RD3L: variants seen among roughly 807,000 people sequenced by gnomAD.
RD3L encodes the protein protein RD3-like.
In RD3L, 6 loss-of-function variants were observed where a neutral mutation model predicts 12.5. The observed-to-expected ratio is 0.48, with a 90% CI of 0.26 to 0.95. The LOEUF (loss-of-function observed/expected upper bound fraction) is 0.95, where lower values mean the gene tolerates loss of function less well. RD3L is among the 40% of genes least tolerant of loss of function. RD3L has a pLI of 0.14. For missense variants in RD3L, 234 were observed against 228.6 expected, an observed-to-expected ratio of 1.02 and a Z score of -0.15; for synonymous variants, 87 against 79.3, an observed-to-expected ratio of 1.10 and a Z score of -0.52.
chr14:103,941,355 C>G, intron 2 of RD3L, 42 bp downstream of exon 2: 2 of 1,413,432 alleles, frequency 1.4e-6, no homozygotes, highest in Admixed American at 2.2e-5. Context: ...GGAACTTGGA[C>G]TTAGCAGTAG....
Position 103,942,304 on chromosome 14 carries a change from T to C in RD3L, c.-220A>G. 6.6e-6 allele frequency: 1 copy of C among 152,300 alleles called. No homozygotes were observed. The highest frequency in any genetic ancestry group is 6.5e-5 in the Admixed American group (1 of 15,288). 9.4% of individuals were successfully genotyped at this position (152,300 alleles called of 1,614,324 possible). A position where few individuals can be genotyped will look rare whatever the true frequency, so the allele number is the denominator to read the frequency against. ...TGTCTTCATTTGGAGAGAATGCTCA[T>C]TAATTCACCTTGTAAGTAAGCTAGA... On this transcript the variant is annotated 5_prime_UTR_variant, in exon 1 of 3. The change abolishes an upstream ATG in the 5' untranslated region. Coordinates refer to ENST00000557640, the MANE Select transcript of RD3L (RefSeq NM_001257268.2).
At position 103,940,888 on chromosome 14, in the gene RD3L, TAACTG is replaced by T. The variant is rs2152119618; in HGVS notation, c.510_514del (p.Ser171ArgfsTer26). On this transcript the variant is annotated frameshift_variant, in exon 3 of 3. Transcript: ENST00000557640. LOFTEE classifies it low-confidence loss of function (END_TRUNC). ...CCTGTCCTTTGTGTTTTTGTCTACGTAACTGGAAATGGTGGGTATTTCATCTTTGT... is the reference window on the plus strand; with the variant it reads ...CCTGTCCTTTGTGTTTTTGTCTACGTGAAATGGTGGGTATTTCATCTTTGT... The T allele has an allele frequency of 6.5e-7, 1 of 1,535,338 alleles. No homozygotes were observed. Among genetic ancestry groups the T allele is most frequent in the South Asian group, 1.2e-5 (1 of 84,048 alleles).
rs2031228276 is a variant in RD3L, at chr14:103,941,463, T to C, written c.233A>G (p.Glu78Gly). The change falls in exon 2 of 3, where the codon GAA becomes GGA. Residue 78 changes from glutamate to glycine, a missense_variant. By Grantham distance (98) the Glu-to-Gly change is moderately conservative (BLOSUM62 -2). Transcript: ENST00000557640. ...GCAAAGAACTTCAAGTTGTCTTTGT[T>C]CAGTCACTGGGATAGTTGTGTGGGG... The part of the protein sequence containing the change: ...QNPHTTIPVT[E>G]QRQLEVLCSQ... The C allele has an allele frequency of 6.5e-7, 1 of 1,535,316 alleles. No individual in the cohort carries two copies. The highest frequency in any genetic ancestry group is 1.4e-5 in the African/African-American group (1 of 73,050).
In RD3L at chr14:103,941,100, A is replaced by G. The variant is rs1390054585; in HGVS notation, c.303T>C (p.Phe101=). The change falls in exon 3 of 3, where the codon TTT becomes TTC. Residue 101 remains phenylalanine, a synonymous_variant. Coordinates refer to ENST00000557640, the MANE Select transcript of RD3L (RefSeq NM_001257268.2). ...PCQTGTILSR[F]REVLAENDVL... ...CATCATTTTCTGCCAAAACTTCTCG[A>G]AATCTAGAGGGGAAATGGTAATGAA... 1 of 1,532,498 alleles carries G rather than the reference A, an allele frequency of 6.5e-7. No homozygotes were observed. The highest frequency in any genetic ancestry group is 8.7e-7 in the Non-Finnish European group (1 of 1,144,492). 94.9% of individuals were successfully genotyped at this position (1,532,498 alleles called of 1,614,324 possible). A position where few individuals can be genotyped will look rare whatever the true frequency, so the allele number is the denominator to read the frequency against.
chr14:103,942,424 C>CAGCTATAG lies in RD3L; in HGVS notation c.-348_-341dup. 1 of 152,296 alleles carries CAGCTATAG rather than the reference C, an allele frequency of 6.6e-6. No homozygotes were observed. The highest frequency in any genetic ancestry group is 1.5e-5 in the Non-Finnish European group (1 of 68,038). The allele number at this position is 152,296 out of a possible 1,614,324, so 9.4% of individuals were successfully genotyped here. A position where few individuals can be genotyped will look rare whatever the true frequency, so the allele number is the denominator to read the frequency against. On this transcript the variant is annotated 5_prime_UTR_variant, in exon 1 of 3. The change creates a premature stop within an existing upstream ORF in the 5' untranslated region. Transcript: ENST00000557640. ...TCAGTCTATTTGAAAAAAATGCCAG[C>CAGCTATAG]AGCTATAGATGCTGGTCCTAAATGC...
chr14:103,941,094 T>A lies in RD3L; in HGVS notation c.309A>T (p.Glu103Asp). The change falls in exon 3 of 3, where the codon GAA (glutamate) becomes GAT (aspartate). Residue 103 changes from glutamate to aspartate, a missense_variant. Transcript: ENST00000557640. ...QTGTILSRFR[E>D]VLAENDVLPW... Reference sequence around the variant, plus strand: ...GCAGTACATCATTTTCTGCCAAAACTTCTCGAAATCTAGAGGGGAAATGGT... The same window carrying A: ...GCAGTACATCATTTTCTGCCAAAACATCTCGAAATCTAGAGGGGAAATGGT... The A allele has an allele frequency of 6.5e-7, 1 of 1,533,114 alleles. No individual in the cohort carries two copies. The highest frequency in any genetic ancestry group is 2.4e-5 in the East Asian group (1 of 40,886). The allele number at this position is 1,533,114 out of a possible 1,614,324, so 95.0% of individuals were successfully genotyped here. A position where few individuals can be genotyped will look rare whatever the true frequency, so the allele number is the denominator to read the frequency against.
Position 103,942,371 on chromosome 14 carries a change from A to G in RD3L, c.-287T>C, listed in dbSNP as rs549890941. On this transcript the variant is annotated 5_prime_UTR_variant, in exon 1 of 3. Coordinates refer to ENST00000557640, the MANE Select transcript of RD3L (RefSeq NM_001257268.2). ...ACTGACTATTTAATCTTCACAAGTT[A>G]TATAATGGTCTGCCTTTTCAATGTA... The G allele has an allele frequency of 3.9e-5, 6 of 152,376 alleles. No homozygotes were observed. Among genetic ancestry groups the G allele is most frequent in the African/African-American group, 1.4e-4 (6 of 41,584 alleles). 9.4% of individuals were successfully genotyped at this position (152,376 alleles called of 1,614,324 possible). A position where few individuals can be genotyped will look rare whatever the true frequency, so the allele number is the denominator to read the frequency against.
At position 103,940,736 on chromosome 14, in the gene RD3L, ATCACT is replaced by A; in HGVS notation, c.*65_*69del. 9.4e-7 allele frequency: 1 copy of A among 1,064,858 alleles called. No homozygotes were observed. The highest frequency in any genetic ancestry group is 1.3e-6 in the Non-Finnish European group (1 of 747,574). 66.0% of individuals were successfully genotyped at this position (1,064,858 alleles called of 1,614,324 possible). A position where few individuals can be genotyped will look rare whatever the true frequency, so the allele number is the denominator to read the frequency against. ...GTAACAAAGAAAAACTTGAAGTCAC[ATCACT>A]TTTTCTTATTCTTAATATTAGGAGT... is the stretch of plus-strand genomic sequence containing the variant. On this transcript the variant is annotated 3_prime_UTR_variant, in exon 3 of 3. Transcript: ENST00000557640.
chr14:103,942,525 A>T lies in RD3L; in HGVS notation c.-441T>A, dbSNP rs1384437299. ...ATAGATGCGCTCCGAGCTAGAGTGA[A>T]GACTGTCGCGTGATGTGATGCTTTG... On this transcript the variant is annotated 5_prime_UTR_variant, in exon 1 of 3. Coordinates refer to ENST00000557640, the MANE Select transcript of RD3L (RefSeq NM_001257268.2). Among the ~76,000 whole-genome samples the T allele has an allele frequency of 1.3e-5, 2 of 152,192 alleles. No individual in the cohort carries two copies. The highest frequency in any genetic ancestry group is 2.9e-5 in the Non-Finnish European group (2 of 68,040).
chr14:103,941,565 A>C lies in RD3L; in HGVS notation c.131T>G (p.Leu44Ter). The change falls in exon 2 of 3, where the codon TTA becomes TGA. Residue 44 changes from leucine to a stop codon, truncating the protein, a stop_gained. Coordinates refer to ENST00000557640, the MANE Select transcript of RD3L (RefSeq NM_001257268.2). LOFTEE classifies it high-confidence loss of function. ...TTGTTCATTTTCGATTTCTTGTATT[A>C]ATCTCTCTCGCTCCTTTAGGTGCCA... The part of the protein sequence containing the change: ...LKWHLKERER[L>*]IQEIENEQKV... 6.5e-7 allele frequency: 1 copy of C among 1,535,170 alleles called. No individual in the cohort carries two copies. The highest frequency in any genetic ancestry group is 1.2e-5 in the South Asian group (1 of 84,034).
At position 103,941,546 on chromosome 14, in the gene RD3L, A is replaced by G; in HGVS notation, c.150T>C (p.Asn50=). Reference sequence around the variant, plus strand: ...CACCTGTTTTTTTCACTTTTTGTTCATTTTCGATTTCTTGTATTAATCTCT... The same window carrying G: ...CACCTGTTTTTTTCACTTTTTGTTCGTTTTCGATTTCTTGTATTAATCTCT... ...ERERLIQEIE[N]EQKVKKTGVD... The change falls in exon 2 of 3, where the codon AAT becomes AAC. Residue 50 remains asparagine, a synonymous_variant. Coordinates refer to ENST00000557640, the MANE Select transcript of RD3L (RefSeq NM_001257268.2). 6.5e-7 allele frequency: 1 copy of G among 1,535,050 alleles called. No individual in the cohort carries two copies. Among genetic ancestry groups the G allele is most frequent in the Non-Finnish European group, 8.7e-7 (1 of 1,146,630 alleles).
chr14:103,941,461 G>C lies in RD3L; in HGVS notation c.235C>G (p.Gln79Glu). The C allele has an allele frequency of 6.5e-7, 1 of 1,535,362 alleles. No individual in the cohort carries two copies. Among genetic ancestry groups the C allele is most frequent in the Non-Finnish European group, 8.7e-7 (1 of 1,146,632 alleles). Residue 79 changes from glutamine (Q) to glutamate (E), a missense_variant, in exon 2 of 3, where the codon CAA becomes GAA. Gln to Glu is a conservative substitution (Grantham distance 29, BLOSUM62 2). Transcript: ENST00000557640. ...GAGCAAAGAACTTCAAGTTGTCTTT[G>C]TTCAGTCACTGGGATAGTTGTGTGG... ...NPHTTIPVTE[Q>E]RQLEVLCSQV...
rs1157332580 is a variant in RD3L, at chr14:103,941,680, A to G, written c.16T>C (p.Trp6Arg). MPLFG[W>R]MKWPKNDSYK... ...GAATCGTTTTTGGGCCATTTCATCCAGCCAAAAAGTGGCATTTTTAGCCTA... is the reference window on the plus strand; with the variant it reads ...GAATCGTTTTTGGGCCATTTCATCCGGCCAAAAAGTGGCATTTTTAGCCTA... The change falls in exon 2 of 3, where the codon TGG becomes CGG. Residue 6 changes from tryptophan to arginine, a missense_variant. Trp to Arg is a moderately radical substitution (Grantham distance 101). Transcript: ENST00000557640. 2 of 1,514,062 alleles carry G rather than the reference A, an allele frequency of 1.3e-6. No homozygotes were observed. The highest frequency in any genetic ancestry group is 1.8e-6 in the Non-Finnish European group (2 of 1,136,954). The allele number at this position is 1,514,062 out of a possible 1,614,324, so 93.8% of individuals were successfully genotyped here.
chr14:103,940,746 C>G lies in RD3L; in HGVS notation c.*60G>C. The G allele has an allele frequency of 8.5e-7, 1 of 1,170,998 alleles. No individual in the cohort carries two copies. The highest frequency in any genetic ancestry group is 1.5e-5 in the South Asian group (1 of 66,382). The allele number at this position is 1,170,998 out of a possible 1,614,324, so 72.5% of individuals were successfully genotyped here. A position where few individuals can be genotyped will look rare whatever the true frequency, so the allele number is the denominator to read the frequency against. ...AAAACTTGAAGTCACATCACTTTTT[C>G]TTATTCTTAATATTAGGAGTTCTAA... On this transcript the variant is annotated 3_prime_UTR_variant, in exon 3 of 3. Transcript: ENST00000557640.
chr14:103,941,438 G>A lies in RD3L; in HGVS notation c.258C>T (p.Cys86=), dbSNP rs1440446734. The stretch of plus-strand genomic sequence containing the variant: ...CAGTTTGGCAAGGTTGAACTTGTGA[G>A]CAAAGAACTTCAAGTTGTCTTTGTT... ...VTEQRQLEVL[C]SQVQPCQTGT... Residue 86 remains cysteine (C), a synonymous_variant, in exon 2 of 3, where the codon TGC becomes TGT. Coordinates refer to ENST00000557640, the MANE Select transcript of RD3L (RefSeq NM_001257268.2). 4.6e-6 allele frequency: 7 copies of A among 1,535,242 alleles called. No homozygotes were observed. Among genetic ancestry groups the A allele is most frequent in the Non-Finnish European group, 5.2e-6 (6 of 1,146,572 alleles).
In RD3L at chr14:103,940,555, T is replaced by C; in HGVS notation, c.*251A>G. 1 of 349,602 alleles carries C rather than the reference T, an allele frequency of 2.9e-6. No homozygotes were observed. The highest frequency in any genetic ancestry group is 6.8e-5 in the South Asian group (1 of 14,692). 21.7% of individuals were successfully genotyped at this position (349,602 alleles called of 1,614,324 possible). The stretch of plus-strand genomic sequence containing the variant: ...GTTGCTTTAGTTCCTGTGAGGTGGG[T>C]TTGAGGTATAAGAAAATACTGCAAA... On this transcript the variant is annotated 3_prime_UTR_variant, in exon 3 of 3. Coordinates refer to ENST00000557640, the MANE Select transcript of RD3L (RefSeq NM_001257268.2).
At chr14:103,941,957 C>T in intron 1 of RD3L, 135 bp downstream of exon 1, 1 of 429,780 alleles carries the variant, frequency 2.3e-6, no homozygotes, top group Non-Finnish European at 4.1e-6. Flanking sequence ...AACATATAGA[C>T]TGAATGATAT....
In RD3L at chr14:103,942,164, G is replaced by A. The variant is rs1364910014; in HGVS notation, c.-80C>T. ...GTTGGTGACGAAGCTGTGTTTCACT[G>A]GGACGTATCTTGCTCTCCTAGGTGT... On this transcript the variant is annotated 5_prime_UTR_variant, in exon 1 of 3. Transcript: ENST00000557640. 1.2e-5 allele frequency: 2 copies of A among 162,162 alleles called. No homozygotes were observed. Among genetic ancestry groups the A allele is most frequent in the Non-Finnish European group, 2.7e-5 (2 of 75,030 alleles). The allele number at this position is 162,162 out of a possible 1,614,324, so 10.0% of individuals were successfully genotyped here.
intron 2 of RD3L, 142 bp from the exon 3 acceptor site, chr14:103,941,245 TA>T (rs1378574779): frequency 1.1e-6 from 1 of 945,134 alleles, no homozygotes; most frequent in African/African-American, 1.7e-5. Context: ...ATGCTTCTAG[TA>T]AAGAAATTTT....
Sources: allele counts gnomAD v4.1 joint callset (sites outside exome capture counted in the v4.1 genomes callset), GRCh38; gene constraint gnomAD v4.1.1; transcripts MANE v1.5; gene names NCBI Gene and HGNC (gene_info 2026-07-23, HGNC 2026-07-21).